The following PRKCE variants were observed in gnomAD, a reference collection of about 807,000 sequenced individuals.
The protein encoded by PRKCE is protein kinase C epsilon, also known as protein kinase C epsilon type.
A neutral mutation model predicts 85.4 loss-of-function variants in PRKCE; 16 were observed. The observed-to-expected ratio is 0.19, with a 90% CI of 0.13 to 0.28. PRKCE has a LOEUF of 0.28. Among genes scored for constraint, PRKCE ranks in the 10% least tolerant of loss-of-function variants. PRKCE has a pLI of 1.00. For missense variants in PRKCE, 573 were observed against 975.2 expected (o/e 0.59, Z 5.49); for synonymous variants, 388 against 371.5 (o/e 1.04, Z -0.51).
chr2:46,061,824 ATTTCT>A (rs529400456), intron 10 of PRKCE, among the ~76,000 whole-genome samples: 14,246 of 128,956 alleles, frequency 0.11, 913 homozygotes, highest in East Asian at 0.19. Context: ...TACGTTAAGT[ATTTCT>A]TTTCTTTTCT....
intron 1 of PRKCE, among the ~76,000 whole-genome samples, chr2:45,753,868 C>CA (rs1220361762): frequency 6.6e-6 from 1 of 152,074 alleles, no homozygotes; most frequent in Admixed American, 6.5e-5. Context: ...ACTGCATCTC[C>CA]AAAAAAATAA....
chr2:45,738,479 G>C (rs1235302247), intron 1 of PRKCE, among the ~76,000 whole-genome samples: 1 of 152,186 alleles, frequency 6.6e-6, no homozygotes, highest in Non-Finnish European at 1.5e-5. Context: ...ACTGTTTTCA[G>C]ATAACCTGTC....
chr2:46,117,769 A>G (rs953243162), intron 11 of PRKCE, among the ~76,000 whole-genome samples: 1 of 152,212 alleles, frequency 6.6e-6, no homozygotes, highest in African/African-American at 2.4e-5. Context: ...GTAATTGCTT[A>G]TTATTATTAC....
intron 2 of PRKCE, among the ~76,000 whole-genome samples, chr2:45,887,898 C>G (rs1034973624): frequency 1.3e-5 from 2 of 152,228 alleles, no homozygotes; most frequent in East Asian, 3.8e-4. Flanking sequence ...GAAATCATAT[C>G]TGGAACTGCA....
chr2:46,111,423 C>T (rs920162389), intron 11 of PRKCE, among the ~76,000 whole-genome samples: 2 of 152,132 alleles, frequency 1.3e-5, no homozygotes, highest in African/African-American at 4.8e-5. Flanking sequence ...GCAGTCATCA[C>T]CACAATCAAC....
At chr2:45,760,658 C>T (rs572453675) in intron 1 of PRKCE, among the ~76,000 whole-genome samples, 3 of 152,292 alleles carry the variant, frequency 2.0e-5, no homozygotes, top group African/African-American at 7.2e-5. Context: ...AACTTAGAAT[C>T]ATTTTCTTGA....
At chr2:45,813,199 G>A (rs977918295) in intron 1 of PRKCE, among the ~76,000 whole-genome samples, 1 of 152,184 alleles carries the variant, frequency 6.6e-6, no homozygotes, top group Non-Finnish European at 1.5e-5. Flanking sequence ...CCTTCCTGAG[G>A]CACTTATCTA....
At chr2:46,130,287 A>G (rs536400632) in intron 11 of PRKCE, among the ~76,000 whole-genome samples, 1 of 152,182 alleles carries the variant, frequency 6.6e-6, no homozygotes, top group Non-Finnish European at 1.5e-5. Context: ...ATTATACCAC[A>G]TAAAATATAA....
chr2:46,154,702 A>G (rs1677027048), intron 13 of PRKCE, among the ~76,000 whole-genome samples: 1 of 148,990 alleles, frequency 6.7e-6, no homozygotes, highest in African/African-American at 2.5e-5. Flanking sequence ...ACATTTTCAT[A>G]GGTTGACTCA....
At position 46,004,512 on chromosome 2, in the gene PRKCE, G is replaced by C. The variant is rs1271475882; in HGVS notation, c.967-30G>C. 2 of 1,531,616 alleles carry C rather than the reference G, an allele frequency of 1.3e-6. No homozygotes were observed. The highest frequency in any genetic ancestry group is 3.8e-5 in the Admixed American group (2 of 52,746). The allele number at this position is 1,531,616 out of a possible 1,614,324, so 94.9% of individuals were successfully genotyped here. On this transcript the variant is annotated intron_variant, in intron 7 of 14. Coordinates refer to ENST00000306156, the MANE Select transcript of PRKCE (RefSeq NM_005400.3). This position sits in a 1 kb window ranked among gnomAD's most constrained non-coding sequence, Gnocchi z 4.1. The stretch of plus-strand genomic sequence containing the variant: ...AAAACTCTCAACCCTCCCTTCTGAT[G>C]CCTCTGTCCCTGCTTTCTCTCCTCT...
At chr2:45,936,754 A>G (rs561014606) in intron 2 of PRKCE, among the ~76,000 whole-genome samples, 1 of 152,372 alleles carries the variant, frequency 6.6e-6, no homozygotes, top group South Asian at 2.1e-4. Context: ...CTTGAGTTAA[A>G]GAAGTGTGAT....
At chr2:45,866,302 A>G (rs539250782) in intron 2 of PRKCE, among the ~76,000 whole-genome samples, 31 of 152,108 alleles carry the variant, frequency 2.0e-4, no homozygotes, top group Non-Finnish European at 3.5e-4. Flanking sequence ...TTAATTAATT[A>G]ATTGATTTTT....
At chr2:46,147,164 A>G (rs1230240065) in intron 12 of PRKCE, among the ~76,000 whole-genome samples, 2 of 152,194 alleles carry the variant, frequency 1.3e-5, no homozygotes, top group Non-Finnish European at 2.9e-5. Context: ...TAGGGATTTC[A>G]GTCTTTCTGC....
At chr2:45,677,254 A>T (rs1325252851) in intron 1 of PRKCE, 1 of 150,870 alleles carries the variant, frequency 6.6e-6, no homozygotes, top group Non-Finnish European at 1.5e-5. Flanking sequence ...ACGAGAGGCC[A>T]CTTTAGGTGG....
chr2:45,702,890 T>C (rs1678770122), intron 1 of PRKCE, among the ~76,000 whole-genome samples: 1 of 152,102 alleles, frequency 6.6e-6, no homozygotes, highest in Admixed American at 6.5e-5. Flanking sequence ...AGAACTGAAG[T>C]TTGAAAAGAG....
intron 1 of PRKCE, among the ~76,000 whole-genome samples, chr2:45,836,456 G>A (rs751996959): frequency 5.3e-5 from 8 of 152,196 alleles, no homozygotes; most frequent in Non-Finnish European, 8.8e-5. Context: ...TCAGCACCCC[G>A]CAGCTGCTGC....
chr2:45,819,830 G>C (rs1689378050), intron 1 of PRKCE, among the ~76,000 whole-genome samples: 1 of 152,226 alleles, frequency 6.6e-6, no homozygotes, highest in East Asian at 1.9e-4. Context: ...AGACAAAGCT[G>C]TCTGGGTAAA....
At chr2:46,060,588 G>A (rs906220350) in intron 10 of PRKCE, among the ~76,000 whole-genome samples, 4 of 152,100 alleles carry the variant, frequency 2.6e-5, no homozygotes, top group Non-Finnish European at 5.9e-5. Context: ...CAGGACCACT[G>A]AGTTCCAGTG....
At chr2:45,657,230 G>A (rs1389934824) in intron 1 of PRKCE, among the ~76,000 whole-genome samples, 1 of 152,202 alleles carries the variant, frequency 6.6e-6, no homozygotes, top group African/African-American at 2.4e-5. Flanking sequence ...GAATCCAGAG[G>A]TACAGAAAGC....
Sources: gnomAD v4.1 joint callset for allele counts (sites outside exome capture counted in the v4.1 genomes callset) on GRCh38, gnomAD v4.1.1 for gene constraint, Gnocchi (gnomAD v3.1) non-coding constraint, MANE v1.5 for transcripts, NCBI Gene and HGNC (gene_info 2026-07-23, HGNC 2026-07-21) for gene names.